The following EPG5 variants were observed in gnomAD, a reference collection of about 807,000 sequenced individuals.
EPG5 encodes the protein ectopic P granules protein 5 homolog.
Under a neutral mutation model 302.7 loss-of-function variants are expected in EPG5, and 159 were observed. The ratio of observed to expected loss-of-function variants is 0.53; its 90% CI spans 0.46 to 0.60. The LOEUF (loss-of-function observed/expected upper bound fraction) is 0.60. Among genes scored for constraint, EPG5 ranks in the 20% least tolerant of loss-of-function variants. EPG5 has a pLI of 0.00. For synonymous variants in EPG5, 1,158 were observed against 1,136.8 expected (o/e 1.02, Z -0.37); for missense variants, 2,896 against 3,092.4 (o/e 0.94, Z 1.51).
chr18:45,883,450 G>A (rs911516274), intron 30 of EPG5, among the ~76,000 whole-genome samples: 49 of 143,258 alleles, frequency 3.4e-4, no homozygotes, highest in African/African-American at 1.3e-3. Context: ...CCCTAAAATT[G>A]TCAAGGTTGT....
chr18:45,824,143 A>G, the EPG5 span, among the ~76,000 whole-genome samples: 2 of 152,212 alleles, frequency 1.3e-5, no homozygotes, highest in Admixed American at 6.5e-5. Flanking sequence ...AGGCACAGAC[A>G]GTAGACCAGC....
intron 11 of EPG5, 32 bp downstream of exon 11, chr18:45,934,777 A>C: frequency 1.9e-6 from 3 of 1,571,982 alleles, no homozygotes; most frequent in Non-Finnish European, 2.6e-6. Context: ...AGATAGGGAG[A>C]GCTGGACGCC....
At chr18:45,873,247 C>T (rs910832349) in intron 35 of EPG5, among the ~76,000 whole-genome samples, 3 of 152,194 alleles carry the variant, frequency 2.0e-5, no homozygotes, top group African/African-American at 7.2e-5. Flanking sequence ...CATGGTGGCT[C>T]ATGCCTGTAA....
chr18:45,944,481 G>A (rs368505714), intron 7 of EPG5, among the ~76,000 whole-genome samples: 3 of 152,266 alleles, frequency 2.0e-5, no homozygotes, highest in South Asian at 2.1e-4. Context: ...TGGGCCGGGC[G>A]CGGTGGCTCA....
chr18:45,858,558 C>A lies in EPG5; in HGVS notation c.7226+8G>T. 6.2e-7 allele frequency: 1 copy of A among 1,610,766 alleles called. No homozygotes were observed. The highest frequency in any genetic ancestry group is 8.5e-7 in the Non-Finnish European group (1 of 1,177,096). The stretch of plus-strand genomic sequence containing the variant: ...AAGTTTGATGTAACAGCCTGAGGGC[C>A]AACGTACCTTGGGTACACCTGTTCC... On this transcript the variant is annotated splice_region_variant and intron_variant, in intron 41 of 43. Transcript: ENST00000282041.
intron 13 of EPG5, among the ~76,000 whole-genome samples, chr18:45,927,260 C>T (rs1307036433): frequency 1.3e-5 from 2 of 152,130 alleles, no homozygotes; most frequent in African/African-American, 2.4e-5. Context: ...AGGATGGTCT[C>T]GATCTCCTGA....
intron 13 of EPG5, 50 bp from the exon 14 acceptor site, chr18:45,925,952 C>A: frequency 9.1e-7 from 1 of 1,096,086 alleles, no homozygotes. Flanking sequence ...AGAAACAATG[C>A]TATATTACTA....
chr18:45,874,153 T>C (rs1321877306), intron 35 of EPG5, among the ~76,000 whole-genome samples: 1 of 152,246 alleles, frequency 6.6e-6, no homozygotes, highest in Non-Finnish European at 1.5e-5. Context: ...ATGTAAATCA[T>C]GGACTTTCAT....
chr18:45,838,189 A>G, the EPG5 span, among the ~76,000 whole-genome samples: 1 of 152,224 alleles, frequency 6.6e-6, no homozygotes, highest in Non-Finnish European at 1.5e-5. Context: ...GAGGCGAGAA[A>G]GACAAGTGAA....
intron 8 of EPG5, 29 bp from the exon 9 acceptor site, chr18:45,943,340 A>G: frequency 6.3e-7 from 1 of 1,592,732 alleles, no homozygotes; most frequent in South Asian, 1.1e-5. Flanking sequence ...AAAGAAAAAA[A>G]TCATAGTTAC....
At chr18:45,875,100 T>C (rs936690432) in intron 35 of EPG5, among the ~76,000 whole-genome samples, 4 of 152,324 alleles carry the variant, frequency 2.6e-5, no homozygotes, top group South Asian at 4.1e-4. Flanking sequence ...TTTCATTTCA[T>C]GTAACTGGTA....
intron 17 of EPG5, chr18:45,916,878 T>G (rs1297703929): frequency 5.0e-6 from 1 of 200,408 alleles, no homozygotes; most frequent in African/African-American, 2.3e-5. Flanking sequence ...ACTCCCCAAC[T>G]CCATGAATAA....
intron 15 of EPG5, 51 bp from the exon 16 acceptor site, chr18:45,922,651 AGTAAGCTCATACACT>A (rs762267439): frequency 3.8e-6 from 6 of 1,592,822 alleles, no homozygotes; most frequent in Non-Finnish European, 5.1e-6. Flanking sequence ...AAATTAAATC[AGTAAGCTCATACACT>A]CATCTCCTTT....
In EPG5 at chr18:45,949,502, C is replaced by T. The variant is rs2050858123; in HGVS notation, c.1479G>A (p.Trp493Ter). 1 of 1,610,554 alleles carries T rather than the reference C, an allele frequency of 6.2e-7. No individual in the cohort carries two copies. The highest frequency in any genetic ancestry group is 1.7e-5 in the Admixed American group (1 of 59,936). ...ATCATACCTGGATAAAAGGAACAGC[C>T]CATTTACTAACACCAGCGGGGCATC... Reference protein sequence around the residue: ...ILRCPAGVSKWAVPFIQIKVL... With the variant: ...ILRCPAGVSK Residue 493 changes from tryptophan (W) to a stop codon, truncating the protein, a stop_gained, in exon 5 of 44, where the codon TGG becomes TGA. Coordinates refer to ENST00000282041, the MANE Select transcript of EPG5 (RefSeq NM_020964.3). LOFTEE classifies it high-confidence loss of function.
At position 45,887,891 on chromosome 18, in the gene EPG5, A is replaced by C; in HGVS notation, c.4969T>G (p.Tyr1657Asp). 6.3e-7 allele frequency: 1 copy of C among 1,581,240 alleles called. No homozygotes were observed. Among genetic ancestry groups the C allele is most frequent in the Non-Finnish European group, 8.6e-7 (1 of 1,156,144 alleles). The change falls in exon 29 of 44, where the codon TAC becomes GAC. Residue 1657 changes from tyrosine (Y) to aspartate (D), a missense_variant. Physicochemically the swap from Tyr to Asp is radical, Grantham distance 160 (BLOSUM62 -3). This residue lies in a region of EPG5 where 790 missense variants were observed against 798.0 expected (regional missense o/e 0.99). Coordinates refer to ENST00000282041, the MANE Select transcript of EPG5 (RefSeq NM_020964.3). ...ATCCCAGGTGTAGGCTGCAACTTGT[A>C]GGCATTCACTAAGGCCCTGTGGGAA... ...ENLITALVNA[Y>D]KLQPTPGIQK...
intron 34 of EPG5, among the ~76,000 whole-genome samples, chr18:45,878,148 G>A (rs529254353): frequency 6.6e-6 from 1 of 152,236 alleles, no homozygotes; most frequent in South Asian, 2.1e-4. Flanking sequence ...GGAAATGAGT[G>A]TCCAGTTTTG....
chr18:45,813,674 C>A, the EPG5 span, among the ~76,000 whole-genome samples: 1 of 150,854 alleles, frequency 6.6e-6, no homozygotes, highest in Non-Finnish European at 1.5e-5. Context: ...GACAAAAAAC[C>A]AAACACTGCA....
chr18:45,921,304 A>G (rs1254109990), intron 16 of EPG5, among the ~76,000 whole-genome samples: 1 of 152,234 alleles, frequency 6.6e-6, no homozygotes, highest in Non-Finnish European at 1.5e-5. Flanking sequence ...TGAGGATGCT[A>G]AAAAGTGTTA....
In EPG5 at chr18:45,867,707, C is replaced by T. The variant is rs2048776668; in HGVS notation, c.6267G>A (p.Gly2089=). ...CCCAGTTGACTTCACAGAGTACAGA[C>T]CCCAAAAATAAGAAACAGCTCTTGG... ...GSPKSCFLFL[G]SVLCEVNWVS... Residue 2089 remains glycine (G), a synonymous_variant, in exon 37 of 44, where the codon GGG becomes GGA. Coordinates refer to ENST00000282041, the MANE Select transcript of EPG5 (RefSeq NM_020964.3). The T allele has an allele frequency of 1.2e-6, 2 of 1,609,106 alleles. No individual in the cohort carries two copies. The highest frequency in any genetic ancestry group is 1.3e-5 in the African/African-American group (1 of 74,522).
Sources: gnomAD v4.1 joint callset for allele counts (sites outside exome capture counted in the v4.1 genomes callset) on GRCh38, gnomAD v4.1.1 for gene constraint, gnomAD v4.1.1 regional missense constraint, MANE v1.5 for transcripts, NCBI Gene and HGNC (gene_info 2026-07-23, HGNC 2026-07-21) for gene names.